Variants in UGT2B7 observed in about 807,000 individuals in gnomAD.
UGT2B7 encodes UDP glucuronosyltransferase family 2 member B7.
Under a neutral mutation model 51.9 loss-of-function variants are expected in UGT2B7, and 51 were observed. The observed-to-expected ratio is 0.98, with a 90% CI of 0.78 to 1.24. UGT2B7 has a LOEUF of 1.24. Among genes scored for constraint, UGT2B7 ranks in the 50% most tolerant of loss-of-function variants. UGT2B7 has a pLI of 0.00. For synonymous variants in UGT2B7, 225 were observed against 211.6 expected, an observed-to-expected ratio of 1.06 and a Z score of -0.55; for missense variants, 727 against 628.4, an observed-to-expected ratio of 1.16 and a Z score of -1.68.
At chr4:69,098,408 AAT>A in intron 1 of UGT2B7, 130 bp from the exon 2 acceptor site, 2 of 962,382 alleles carry the variant, frequency 2.1e-6, no homozygotes, top group South Asian at 2.1e-5. Flanking sequence ...TCTATATATG[AAT>A]ATGTGTATAT....
Position 69,096,950 on chromosome 4 carries a change from A to AT in UGT2B7, c.430_431insT (p.Arg144MetfsTer3). Reference sequence around the variant, plus strand: ...ATTTATGAAAAAAGTACAAGAGTCAAGATTTGACGTCATTTTTGCAGATGC... The same window carrying AT: ...ATTTATGAAAAAAGTACAAGAGTCAATGATTTGACGTCATTTTTGCAGATGC... On this transcript the variant is annotated frameshift_variant, in exon 1 of 6. Transcript: ENST00000305231. LOFTEE classifies it high-confidence loss of function. 1 of 1,613,322 alleles carries AT rather than the reference A, an allele frequency of 6.2e-7. No individual in the cohort carries two copies. The highest frequency in any genetic ancestry group is 8.5e-7 in the Non-Finnish European group (1 of 1,179,756).
chr4:69,086,592 T>A (rs13135225), intron 1 of UGT2B7, among the ~76,000 whole-genome samples: 3,305 of 152,020 alleles, frequency 0.022, 46 homozygotes, highest in Non-Finnish European at 0.036. Context: ...TCTTCTACTA[T>A]TATCATATCA....
intron 1 of UGT2B7, among the ~76,000 whole-genome samples, chr4:69,097,807 A>T (rs1719291216): frequency 6.6e-6 from 1 of 152,098 alleles, no homozygotes; most frequent in Non-Finnish European, 1.5e-5. Flanking sequence ...TCACGAAAGA[A>T]TTGGAAATCA....
At chr4:69,110,033 T>C (rs1363209512) in intron 5 of UGT2B7, among the ~76,000 whole-genome samples, 5 of 152,060 alleles carry the variant, frequency 3.3e-5, no homozygotes, top group African/African-American at 1.2e-4. Context: ...ACAAATACTT[T>C]CACTCAATCT....
Position 69,079,379 on chromosome 4 carries a change from T to A in UGT2B7, c.-158-10093T>A, listed in dbSNP as rs573716844. Among the ~76,000 whole-genome samples, 552 of 152,268 alleles carry A rather than the reference T, an allele frequency of 3.6e-3. 3 individuals are homozygous for A. Among genetic ancestry groups the A allele is most frequent in the Non-Finnish European group, 5.5e-3 (376 of 68,018 alleles). ...AATCTCTCAGACTTTAAAAATACAG[T>A]CATATTCCAGGAGTTAAAGGGTCCA... On this transcript the variant is annotated intron_variant, in intron 1 of 5. Coordinates refer to the UGT2B7 transcript ENST00000502942.
chr4:69,111,650 G>A (rs1486256885), intron 5 of UGT2B7, among the ~76,000 whole-genome samples: 1 of 152,024 alleles, frequency 6.6e-6, no homozygotes, highest in African/African-American at 2.4e-5. Context: ...ATTTCATATT[G>A]TATCAAAACA....
chr4:69,074,204 G>A (rs1718655409), intron 1 of UGT2B7, among the ~76,000 whole-genome samples: 1 of 151,890 alleles, frequency 6.6e-6, no homozygotes, highest in African/African-American at 2.4e-5. Flanking sequence ...AGTTGGGTGT[G>A]GTGTCATGCA....
At chr4:69,063,120 C>G (rs1407548459) in intron 1 of UGT2B7, among the ~76,000 whole-genome samples, 1 of 151,438 alleles carries the variant, frequency 6.6e-6, no homozygotes, top group Non-Finnish European at 1.5e-5. Flanking sequence ...GAGATCGAGA[C>G]CATCCCGGCT....
At chr4:69,078,562 C>T (rs1430133188) in intron 1 of UGT2B7, among the ~76,000 whole-genome samples, 3 of 152,112 alleles carry the variant, frequency 2.0e-5, no homozygotes, top group Non-Finnish European at 4.4e-5. Context: ...TGATTCTAGT[C>T]CACTCCTGGG....
At chr4:69,062,106 T>G (rs1304986002) in intron 1 of UGT2B7, among the ~76,000 whole-genome samples, 2 of 152,164 alleles carry the variant, frequency 1.3e-5, no homozygotes. Flanking sequence ...CCAGCCTCAG[T>G]GCTCAGTAAA....
upstream of UGT2B7, among the ~76,000 whole-genome samples, chr4:69,092,531 A>G (rs986204800): frequency 8.1e-6 from 1 of 124,052 alleles, no homozygotes; most frequent in Non-Finnish European, 1.6e-5. Flanking sequence ...CCACCTTCCT[A>G]TGTACCTGTG....
chr4:69,067,082 G>C (rs942790706), intron 1 of UGT2B7, among the ~76,000 whole-genome samples: 1 of 152,050 alleles, frequency 6.6e-6, no homozygotes, highest in South Asian at 2.1e-4. Context: ...CTTCTTTTGT[G>C]GGGGAGGGTG....
chr4:69,089,624 T>C (rs1188982420), intron 2 of UGT2B7: 1 of 152,852 alleles, frequency 6.5e-6, no homozygotes, highest in African/African-American at 2.4e-5. Context: ...CGTCCAATCC[T>C]TATAAGCAGC....
chr4:69,061,902 TC>T (rs1199540555), intron 1 of UGT2B7, among the ~76,000 whole-genome samples: 2 of 152,128 alleles, frequency 1.3e-5, no homozygotes, highest in African/African-American at 4.8e-5. Flanking sequence ...CTGTACCTTT[TC>T]AGGATGGGTC....
Position 69,102,816 on chromosome 4 carries a change from G to A in UGT2B7, c.880G>A (p.Asp294Asn). 1.2e-6 allele frequency: 2 copies of A among 1,612,392 alleles called. No homozygotes were observed. Among genetic ancestry groups the A allele is most frequent in the East Asian group, 4.5e-5 (2 of 44,836 alleles). ...AATTCTTTCTTCACAGGAAATGGAA[G>A]ACTTTGTACAGAGCTCTGGAGAAAA... ...PAKPLPKEME[D>N]FVQSSGENGV... The change falls in exon 3 of 6, where the codon GAC becomes AAC. Residue 294 changes from aspartate (D) to asparagine (N), a missense_variant. Transcript: ENST00000305231.
intron 1 of UGT2B7, among the ~76,000 whole-genome samples, chr4:69,054,265 C>T (rs984774139): frequency 6.6e-6 from 1 of 152,102 alleles, no homozygotes; most frequent in African/African-American, 2.4e-5. Flanking sequence ...CTGTGGGGCA[C>T]TGGCCAAGGC....
chr4:69,099,303 G>A (rs1445114050), intron 2 of UGT2B7, among the ~76,000 whole-genome samples: 1 of 149,660 alleles, frequency 6.7e-6, no homozygotes, highest in Non-Finnish European at 1.5e-5. Flanking sequence ...GGTCAGGACA[G>A]TTCTCAAGTC....
intron 5 of UGT2B7, 23 bp from the exon 6 acceptor site, chr4:69,112,434 C>A (rs776334878): frequency 8.7e-6 from 14 of 1,606,486 alleles, no homozygotes; most frequent in Non-Finnish European, 1.2e-5. Context: ...TGCTACATTA[C>A]TGTCTTTATT....
intron 1 of UGT2B7, among the ~76,000 whole-genome samples, chr4:69,060,233 C>T (rs1383069053): frequency 6.6e-6 from 1 of 152,218 alleles, no homozygotes; most frequent in Non-Finnish European, 1.5e-5. Flanking sequence ...AGTCTCAAAT[C>T]TGCTCTGAAA....
Sources: allele counts gnomAD v4.1 joint callset (sites outside exome capture counted in the v4.1 genomes callset), GRCh38; gene constraint gnomAD v4.1.1; transcripts MANE v1.5; gene names NCBI Gene and HGNC (gene_info 2026-07-23, HGNC 2026-07-21).